The following CAT variants were observed in gnomAD, a reference collection of about 807,000 sequenced individuals.
The protein encoded by CAT is epididymis secretory sperm binding protein.
A neutral mutation model predicts 59.0 loss-of-function variants in CAT; 43 were observed. That is an observed-to-expected ratio of 0.73 (90% CI 0.57 to 0.94). The LOEUF (loss-of-function observed/expected upper bound fraction) is 0.94, where lower values mean the gene tolerates loss of function less well. Ranked by LOEUF, CAT falls within the 40% of genes least tolerant of loss-of-function variation. CAT has a pLI of 0.00. For missense variants in CAT, 664 were observed against 682.9 expected, an observed-to-expected ratio of 0.97 and a Z score of 0.31; for synonymous variants, 218 against 230.9, an observed-to-expected ratio of 0.94 and a Z score of 0.51.
rs534537652 is a variant in CAT at position 34,456,283 on chromosome 11, A to T, written c.903+81A>T. ...AGAAAAAAAATCTAGTCAAACAATT[A>T]TAATAATGGGGAAGTCATATACAAA... On this transcript the variant is annotated intron_variant, in intron 7 of 12. Transcript: ENST00000241052. 6 of 1,078,332 alleles carry T rather than the reference A, an allele frequency of 5.6e-6. No homozygotes were observed. The East Asian group carries it at 1.5e-4, about 28-fold the overall frequency. 66.8% of individuals were successfully genotyped at this position (1,078,332 alleles called of 1,614,324 possible).
chr11:34,460,446 C>CTTTTTT (rs149180752), intron 8 of CAT, among the ~76,000 whole-genome samples: 60 of 84,500 alleles, frequency 7.1e-4, no homozygotes, highest in African/African-American at 1.8e-3. Flanking sequence ...GTGGGCGGTA[C>CTTTTTT]TTTTTTTTTT....
intron 4 of CAT, among the ~76,000 whole-genome samples, chr11:34,452,534 G>C (rs1856536408): frequency 1.3e-5 from 2 of 152,046 alleles, no homozygotes; most frequent in Admixed American, 6.6e-5. Flanking sequence ...TCAGCAGGAG[G>C]GGGTGTGTGT....
At chr11:34,467,090 A>G (rs796812757) in intron 10 of CAT, among the ~76,000 whole-genome samples, 78 of 152,356 alleles carry the variant, frequency 5.1e-4, no homozygotes, top group African/African-American at 1.7e-3. Context: ...CATAGACATG[A>G]TAATTGGAAA....
At chr11:34,468,770 G>A (rs534700324) in intron 11 of CAT, among the ~76,000 whole-genome samples, 16 of 152,244 alleles carry the variant, frequency 1.1e-4, no homozygotes, top group African/African-American at 3.1e-4. Flanking sequence ...TATATCAGCC[G>A]GTGTGATGGC....
In CAT at chr11:34,450,990, G is replaced by C; in HGVS notation, c.241G>C (p.Ala81Pro). The change falls in exon 3 of 13, where the codon GCC becomes CCC. Residue 81 changes from alanine (A) to proline (P), a missense_variant and splice_region_variant. Coordinates refer to ENST00000241052, the MANE Select transcript of CAT (RefSeq NM_001752.4). Reference protein sequence around the residue: ...ERVVHAKGAGAFGYFEVTHDI... With the variant: ...ERVVHAKGAGPFGYFEVTHDI... ...GATTTCTGTGTCTTTCTCGTTAGGG[G>C]CCTTTGGCTACTTTGAGGTCACACA... is the stretch of plus-strand genomic sequence containing the variant. The C allele has an allele frequency of 6.2e-7, 1 of 1,602,126 alleles. No homozygotes were observed.
chr11:34,447,458 C>T (rs747278396), intron 1 of CAT, among the ~76,000 whole-genome samples: 2 of 152,070 alleles, frequency 1.3e-5, no homozygotes, highest in Non-Finnish European at 2.9e-5. Flanking sequence ...AATAAACCTA[C>T]AGAGGGTAAC....
chr11:34,458,725 C>T (rs77036024), intron 8 of CAT, among the ~76,000 whole-genome samples: 293 of 152,336 alleles, frequency 1.9e-3, no homozygotes, highest in Non-Finnish European at 3.0e-3. Flanking sequence ...CCATGGGTCT[C>T]TGGAACCACA....
At chr11:34,449,077 A>T in intron 1 of CAT, 115 bp from the exon 2 acceptor site, 1 of 928,494 alleles carries the variant, frequency 1.1e-6, no homozygotes, top group Non-Finnish European at 1.7e-6. Context: ...TGGACACAGG[A>T]AATTAAAAAA....
chr11:34,442,041 T>C (rs1279622376), intron 1 of CAT, among the ~76,000 whole-genome samples: 1 of 152,190 alleles, frequency 6.6e-6, no homozygotes, highest in Non-Finnish European at 1.5e-5. Flanking sequence ...GTCTTTTACA[T>C]TTAGTTGTTG....
chr11:34,456,281 T>C, intron 7 of CAT, 79 bp downstream of exon 7: 1 of 1,097,590 alleles, frequency 9.1e-7, no homozygotes, highest in South Asian at 1.3e-5. Flanking sequence ...AGTCAAACAA[T>C]TATAATAATG....
chr11:34,450,987 G>C lies in CAT; in HGVS notation c.239-1G>C. The C allele has an allele frequency of 6.9e-6, 11 of 1,598,286 alleles. No individual in the cohort carries two copies. The highest frequency in any genetic ancestry group is 9.4e-6 in the Non-Finnish European group (11 of 1,165,602). Reference sequence around the variant, plus strand: ...AAGGATTTCTGTGTCTTTCTCGTTAGGGGCCTTTGGCTACTTTGAGGTCAC... The same window carrying C: ...AAGGATTTCTGTGTCTTTCTCGTTACGGGCCTTTGGCTACTTTGAGGTCAC... On this transcript the variant is annotated splice_acceptor_variant, in intron 2 of 12. Transcript: ENST00000241052. LOFTEE classifies it high-confidence loss of function.
intron 6 of CAT, among the ~76,000 whole-genome samples, chr11:34,455,589 T>C (rs928488572): frequency 1.3e-4 from 19 of 151,448 alleles, no homozygotes; most frequent in African/African-American, 3.9e-4. Flanking sequence ...GAGCACAGTC[T>C]CAGTAATTGA....
Position 34,456,146 on chromosome 11 carries a change from G to C in CAT, c.847G>C (p.Val283Leu), listed in dbSNP as rs780399181. Residue 283 changes from valine to leucine, a missense_variant, in exon 7 of 13, where the codon GTC becomes CTC. Transcript: ENST00000241052. ...CCCCTCCTGGACTTTTTACATCCAG[G>C]TCATGACATTTAATCAGGCAGAAAC... ...KYPSWTFYIQ[V>L]MTFNQAETFP... 1.4e-5 allele frequency: 23 copies of C among 1,614,050 alleles called. No homozygotes were observed. Among genetic ancestry groups the C allele is most frequent in the Non-Finnish European group, 1.9e-5 (23 of 1,179,982 alleles).
intron 9 of CAT, among the ~76,000 whole-genome samples, chr11:34,463,112 A>G (rs1176931170): frequency 2.0e-5 from 3 of 151,932 alleles, no homozygotes; most frequent in Non-Finnish European, 4.4e-5. Context: ...TAAAATTCCA[A>G]CCCCAGATTG....
At chr11:34,453,950 G>A in intron 6 of CAT, 24 bp downstream of exon 6, 2 of 1,612,042 alleles carry the variant, frequency 1.2e-6, no homozygotes, top group Non-Finnish European at 1.7e-6. Context: ...TTGGGGCAGA[G>A]GGTACAAGGC....
intron 10 of CAT, among the ~76,000 whole-genome samples, chr11:34,466,869 G>A (rs1049793660): frequency 2.0e-5 from 3 of 151,278 alleles, no homozygotes; most frequent in Non-Finnish European, 2.9e-5. Flanking sequence ...AGAGTTGAAT[G>A]GACATAACTA....
chr11:34,445,329 C>G (rs562877226), intron 1 of CAT, among the ~76,000 whole-genome samples: 46 of 151,344 alleles, frequency 3.0e-4, no homozygotes, highest in African/African-American at 1.1e-3. Flanking sequence ...CCTGTCTTTA[C>G]TAAAAATACA....
Position 34,449,209 on chromosome 11 carries a change from C to G in CAT, c.84C>G (p.Thr28=). 1 of 1,614,124 alleles carries G rather than the reference C, an allele frequency of 6.2e-7. No individual in the cohort carries two copies. Among genetic ancestry groups the G allele is most frequent in the Non-Finnish European group, 8.5e-7 (1 of 1,179,982 alleles). The change falls in exon 2 of 13, where the codon ACC becomes ACG. Residue 28 remains threonine (T), a synonymous_variant. Coordinates refer to ENST00000241052, the MANE Select transcript of CAT (RefSeq NM_001752.4). ...TCCTGTAGAAAGCTGATGTCCTGAC[C>G]ACTGGAGCTGGTAACCCAGTAGGAG... The part of the protein sequence containing the change: ...QRAAQKADVL[T]TGAGNPVGDK...
chr11:34,457,204 CTTTTTTTTTTTTTT>C (rs899442681), intron 8 of CAT, among the ~76,000 whole-genome samples: 1 of 66,180 alleles, frequency 1.5e-5, no homozygotes, highest in Non-Finnish European at 2.9e-5. Context: ...TTTTCTTGTT[CTTTTTTTTTTTTTT>C]TTTTTTTTTT....
Sources: gnomAD v4.1 joint callset for allele counts (sites outside exome capture counted in the v4.1 genomes callset) on GRCh38, gnomAD v4.1.1 for gene constraint, MANE v1.5 for transcripts, NCBI Gene and HGNC (gene_info 2026-07-23, HGNC 2026-07-21) for gene names.